PCDHGB5: variants seen among roughly 807,000 people sequenced by gnomAD.
PCDHGB5 encodes protocadherin gamma-B5.
A neutral mutation model predicts 62.9 loss-of-function variants in PCDHGB5; 48 were observed. That is an observed-to-expected ratio of 0.76 (90% CI 0.61 to 0.97). The LOEUF is 0.97. Among genes scored for constraint, PCDHGB5 ranks in the 50% least tolerant of loss-of-function variants. The pLI, the probability that PCDHGB5 is intolerant of heterozygous loss-of-function variation, is 0.00. For synonymous variants in PCDHGB5, 474 were observed against 511.2 expected, an observed-to-expected ratio of 0.93 and a Z score of 0.98; for missense variants, 1,118 against 1,198.6, an observed-to-expected ratio of 0.93 and a Z score of 0.99.
chr5:141,416,504 C>CA (rs1467352050), intron 1 of PCDHGB5: 4 of 152,040 alleles, frequency 2.6e-5, no homozygotes, highest in African/African-American at 9.7e-5. Context: ...AGATATATGA[C>CA]AAAGCTATTT....
At chr5:141,478,639 A>G (rs377308663) in intron 1 of PCDHGB5, 168 of 1,552,322 alleles carry the variant, frequency 1.1e-4, no homozygotes, top group Non-Finnish European at 1.0e-4. Context: ...TTAGTGATGA[A>G]GATGTTTTCC....
chr5:141,433,508 A>G (rs2097615565), intron 1 of PCDHGB5, among the ~76,000 whole-genome samples: 1 of 152,068 alleles, frequency 6.6e-6, no homozygotes, highest in Non-Finnish European at 1.5e-5. Context: ...TGCTGGGATT[A>G]CAGGCGTGAA....
rs149653507 is a variant in PCDHGB5 at position 141,469,869 on chromosome 5, G to A, written c.2398-24938G>A. Among the ~76,000 whole-genome samples, 591 of 152,290 alleles carry A rather than the reference G, an allele frequency of 3.9e-3. 6 individuals are homozygous for A. Among genetic ancestry groups the A allele is most frequent in the Admixed American group, 0.011 (171 of 15,304 alleles). On this transcript the variant is annotated intron_variant, in intron 1 of 3. Transcript: ENST00000617380. ...ATTCAGACCGGGTGCAATGGCTCACGCCTGTAATCTCGGCACTTTGGGAAG... is the reference window on the plus strand; with the variant it reads ...ATTCAGACCGGGTGCAATGGCTCACACCTGTAATCTCGGCACTTTGGGAAG...
At chr5:141,499,300 C>G (rs2154592463) in intron 2 of PCDHGB5, among the ~76,000 whole-genome samples, 1 of 152,292 alleles carries the variant, frequency 6.6e-6, no homozygotes, top group South Asian at 2.1e-4. Context: ...ACTACCATCC[C>G]TCCTCTGAGA....
In PCDHGB5 at chr5:141,489,872, T is replaced by A. The variant is rs2099693206; in HGVS notation, c.2398-4935T>A. 1 of 1,614,090 alleles carries A rather than the reference T, an allele frequency of 6.2e-7. No homozygotes were observed. The highest frequency in any genetic ancestry group is 8.5e-7 in the Non-Finnish European group (1 of 1,180,016). On this transcript the variant is annotated intron_variant, in intron 1 of 3. Coordinates refer to ENST00000617380, the MANE Select transcript of PCDHGB5 (RefSeq NM_018925.3). The surrounding 1 kb of genome is among the most constrained non-coding windows in gnomAD (Gnocchi z 4.5). ...GAAGCCCAGGCAAGACATCAGCTGG[T>A]GCTTACTGCTGTGGATGGGGGGACC...
intron 1 of PCDHGB5, chr5:141,430,554 A>G (rs372392559): frequency 3.2e-5 from 13 of 411,906 alleles, no homozygotes; most frequent in Admixed American, 4.0e-5. Context: ...CTGTTCACCA[A>G]TCGGGGAGAG....
At chr5:141,458,319 T>C (rs2879229) in intron 1 of PCDHGB5, among the ~76,000 whole-genome samples, 84,591 of 151,864 alleles carry the variant, frequency 0.56, 26,265 homozygotes, top group African/African-American at 0.85. Flanking sequence ...CACAGACACA[T>C]GTGGAGTGGT....
In PCDHGB5 at chr5:141,482,326, GAAT is replaced by G. The variant is rs1344469521; in HGVS notation, c.2398-12479_2398-12477del. Among the ~76,000 whole-genome samples, 3 of 152,072 alleles carry G rather than the reference GAAT, an allele frequency of 2.0e-5. No homozygotes were observed. The East Asian group carries it at 5.8e-4, about 29-fold the overall frequency. ...AGTTTCCTCATCTATAAAATAAAGAGAATATCTACTTTGCAAACTTGTTGTGAG... is the reference window on the plus strand; with the variant it reads ...AGTTTCCTCATCTATAAAATAAAGAGATCTACTTTGCAAACTTGTTGTGAG... On this transcript the variant is annotated intron_variant, in intron 1 of 3. Transcript: ENST00000617380.
intron 1 of PCDHGB5, chr5:141,421,623 C>T: frequency 6.2e-7 from 1 of 1,613,810 alleles, no homozygotes. Flanking sequence ...ATAACGCCCC[C>T]AGCTTCCAGG....
At chr5:141,422,375 TCTC>T in intron 1 of PCDHGB5, 1 of 1,570,814 alleles carries the variant, frequency 6.4e-7, no homozygotes, top group Non-Finnish European at 8.6e-7. Context: ...AATGGTCAAG[TCTC>T]CTGTTTTATT....
chr5:141,497,210 G>T (rs988856908), intron 2 of PCDHGB5, among the ~76,000 whole-genome samples: 1 of 28,140 alleles, frequency 3.6e-5, no homozygotes, highest in African/African-American at 1.1e-3. Context: ...TGAGTGTAAT[G>T]GGGGGGGGAA....
chr5:141,432,803 G>T lies in PCDHGB5; in HGVS notation c.2397+32279G>T, dbSNP rs751950423. 3 of 1,614,160 alleles carry T rather than the reference G, an allele frequency of 1.9e-6. No homozygotes were observed. The highest frequency in any genetic ancestry group is 2.2e-5 in the East Asian group (1 of 44,874). ...GGACCTCGGCAGCCTCGAGTCTCCA[G>T]CTAACTCTGAAACCTCAGACCTCAC... On this transcript the variant is annotated intron_variant, in intron 1 of 3. Coordinates refer to ENST00000617380, the MANE Select transcript of PCDHGB5 (RefSeq NM_018925.3). This position sits in a 1 kb window ranked among gnomAD's most constrained non-coding sequence, Gnocchi z 6.0.
At chr5:141,417,052 CTT>C (rs1308339867) in intron 1 of PCDHGB5, 2 of 151,464 alleles carry the variant, frequency 1.3e-5, no homozygotes, top group African/African-American at 4.9e-5. Context: ...AAAAACTGCT[CTT>C]GACATTGTAG....
At chr5:141,418,328 G>A (rs1298044571) in intron 1 of PCDHGB5, 1 of 1,614,002 alleles carries the variant, frequency 6.2e-7, no homozygotes, top group Non-Finnish European at 8.5e-7. Flanking sequence ...TCTTGAGTCT[G>A]CAGAAGATCC....
chr5:141,507,631 C>A (rs1435446169), intron 3 of PCDHGB5, among the ~76,000 whole-genome samples: 1 of 152,236 alleles, frequency 6.6e-6, no homozygotes, highest in Non-Finnish European at 1.5e-5. Context: ...TGTGGCCTTG[C>A]GCCCTGAGGC....
intron 1 of PCDHGB5, chr5:141,422,834 G>A (rs1450583869): frequency 3.1e-6 from 5 of 1,614,230 alleles, no homozygotes; most frequent in East Asian, 2.2e-5. Context: ...GTGATAGCAC[G>A]TGACAGCGGG....
intron 1 of PCDHGB5, chr5:141,413,858 G>T: frequency 6.2e-7 from 1 of 1,613,258 alleles, no homozygotes; most frequent in Non-Finnish European, 8.5e-7. Context: ...CTCCGATCTG[G>T]CACTGTCCTT....
intron 1 of PCDHGB5, chr5:141,423,607 A>T (rs777606404): frequency 6.2e-7 from 1 of 1,612,176 alleles, no homozygotes; most frequent in Admixed American, 1.7e-5. Flanking sequence ...GCCACTCTTG[A>T]TAGCTGAAGA....
At chr5:141,413,221 G>C (rs1384304697) in intron 1 of PCDHGB5, 1 of 1,613,570 alleles carries the variant, frequency 6.2e-7, no homozygotes, top group South Asian at 1.1e-5. Context: ...GGATTGCAGC[G>C]GGCTGGTCCT....
Sources: allele counts gnomAD v4.1 joint callset (sites outside exome capture counted in the v4.1 genomes callset), GRCh38; gene constraint gnomAD v4.1.1; non-coding constraint Gnocchi (gnomAD v3.1); transcripts MANE v1.5; gene names NCBI Gene and HGNC (gene_info 2026-07-23, HGNC 2026-07-21).